The following MFSD6 variants were observed in gnomAD, a reference collection of about 807,000 sequenced individuals.
MFSD6 encodes the protein major facilitator superfamily domain containing 6, also known as major facilitator superfamily domain-containing protein 6.
A neutral mutation model predicts 56.3 loss-of-function variants in MFSD6; 26 were observed. That is an observed-to-expected ratio of 0.46 (90% CI 0.34 to 0.64). The LOEUF is 0.64. Ranked by LOEUF, MFSD6 falls within the 30% of genes least tolerant of loss-of-function variation. MFSD6 has a pLI of 0.01. For synonymous variants in MFSD6, 331 were observed against 366.9 expected (o/e 0.90, Z 1.12); for missense variants, 750 against 986.2 (o/e 0.76, Z 3.21).
In MFSD6 at chr2:190,498,763, A is replaced by G. The variant is rs895459140; in HGVS notation, c.2172+1044A>G. ...TAATATCTGCTGCTTGAGTAGCAAT[A>G]TTTTCATTACTTTGTGTACTCATCC... On this transcript the variant is annotated intron_variant, in intron 7 of 7. Coordinates refer to ENST00000392328, the MANE Select transcript of MFSD6 (RefSeq NM_017694.4). The surrounding 1 kb of genome is among the most constrained non-coding windows in gnomAD (Gnocchi z 5.9). 6.6e-6 allele frequency among the ~76,000 whole-genome samples: 1 copy of G among 152,118 alleles called. No individual in the cohort carries two copies. The highest frequency in any genetic ancestry group is 2.4e-5 in the African/African-American group (1 of 41,410).
rs1300297200 is a variant in MFSD6 at position 190,463,461 on chromosome 2, G to C, written c.1533-6297G>C. Reference sequence around the variant, plus strand: ...GATGTCTGCCACTCTGCCTACTCTAGGAAGACATCTATAACAATTCTGAAA... The same window carrying C: ...GATGTCTGCCACTCTGCCTACTCTACGAAGACATCTATAACAATTCTGAAA... On this transcript the variant is annotated intron_variant, in intron 3 of 7. Coordinates refer to ENST00000392328, the MANE Select transcript of MFSD6 (RefSeq NM_017694.4). The surrounding 1 kb of genome is among the most constrained non-coding windows in gnomAD (Gnocchi z 4.4). 6.6e-6 allele frequency among the ~76,000 whole-genome samples: 1 copy of C among 152,102 alleles called. No homozygotes were observed. Among genetic ancestry groups the C allele is most frequent in the African/African-American group, 2.4e-5 (1 of 41,394 alleles).
Position 190,423,328 on chromosome 2 carries a change from A to G in MFSD6, c.-54+7915A>G, listed in dbSNP as rs1233182362. On this transcript the variant is annotated intron_variant, in intron 2 of 7. Coordinates refer to ENST00000392328, the MANE Select transcript of MFSD6 (RefSeq NM_017694.4). The surrounding 1 kb of genome is among the most constrained non-coding windows in gnomAD (Gnocchi z 4.3). ...GTGAATTCCTGGCAATCACCTGTCTATCTCTATTTCAATGATGTTGTCATT... is the reference window on the plus strand; with the variant it reads ...GTGAATTCCTGGCAATCACCTGTCTGTCTCTATTTCAATGATGTTGTCATT... Among the ~76,000 whole-genome samples the G allele has an allele frequency of 2.0e-5, 3 of 152,136 alleles. No homozygotes were observed. The highest frequency in any genetic ancestry group is 4.4e-5 in the Non-Finnish European group (3 of 68,022).
At chr2:190,474,277 G>C (rs1398053834) in intron 4 of MFSD6, among the ~76,000 whole-genome samples, 1 of 151,646 alleles carries the variant, frequency 6.6e-6, no homozygotes, top group Non-Finnish European at 1.5e-5. Flanking sequence ...GAATCCAGGA[G>C]CTGGTTTTTT....
intron 4 of MFSD6, among the ~76,000 whole-genome samples, chr2:190,483,043 C>T (rs1381900572): frequency 6.6e-6 from 1 of 151,042 alleles, no homozygotes; most frequent in African/African-American, 2.4e-5. Flanking sequence ...AGGCGCCTGC[C>T]ACCGCGCCCG....
intron 2 of MFSD6, among the ~76,000 whole-genome samples, chr2:190,428,765 T>G (rs1457629907): frequency 6.6e-6 from 1 of 152,046 alleles, no homozygotes; most frequent in Admixed American, 6.5e-5. Context: ...CCCTGCTTCC[T>G]GGGTTCAAGT....
rs946240796 is a variant in MFSD6, at chr2:190,431,329, G to A, written c.-53-4648G>A. ...GCGGCCGGGCAGAGGCTGCAATCTC[G>A]GCACTTTGGGAGGCCAAGGCAGGCA... On this transcript the variant is annotated intron_variant, in intron 2 of 7. Coordinates refer to ENST00000392328, the MANE Select transcript of MFSD6 (RefSeq NM_017694.4). This position sits in a 1 kb window ranked among gnomAD's most constrained non-coding sequence, Gnocchi z 4.4. Among the ~76,000 whole-genome samples, 80 of 152,188 alleles carry A rather than the reference G, an allele frequency of 5.3e-4. No homozygotes were observed. Among genetic ancestry groups the A allele is most frequent in the African/African-American group, 1.8e-3 (73 of 41,448 alleles).
At position 190,415,283 on chromosome 2, in the gene MFSD6, T is replaced by C. The variant is rs1690729155; in HGVS notation, c.-175-9T>C. On this transcript the variant is annotated splice_polypyrimidine_tract_variant and intron_variant, in intron 1 of 7. Transcript: ENST00000392328. This position sits in a 1 kb window ranked among gnomAD's most constrained non-coding sequence, Gnocchi z 4.5. ...AGTATCTATCTTTTTTATTTTTATT[T>C]ATTTACAGACAGGATCTCTCTCAGT... 1 of 152,214 alleles carries C rather than the reference T, an allele frequency of 6.6e-6. No homozygotes were observed. Among genetic ancestry groups the C allele is most frequent in the South Asian group, 2.1e-4 (1 of 4,832 alleles). 9.4% of individuals were successfully genotyped at this position (152,214 alleles called of 1,614,324 possible). A position where few individuals can be genotyped will look rare whatever the true frequency, so the allele number is the denominator to read the frequency against.
rs1484079475 is a variant in MFSD6 at position 190,439,842 on chromosome 2, A to G, written c.1532+2281A>G. Reference sequence around the variant, plus strand: ...TAATTATTTCAAGTGCTTTTAAAAGAGTCTGATAGCTAAAATGAGAATATG... The same window carrying G: ...TAATTATTTCAAGTGCTTTTAAAAGGGTCTGATAGCTAAAATGAGAATATG... On this transcript the variant is annotated intron_variant, in intron 3 of 7. Transcript: ENST00000392328. This position sits in a 1 kb window ranked among gnomAD's most constrained non-coding sequence, Gnocchi z 5.8. Among the ~76,000 whole-genome samples, 1 of 152,234 alleles carries G rather than the reference A, an allele frequency of 6.6e-6. No individual in the cohort carries two copies. The highest frequency in any genetic ancestry group is 2.4e-5 in the African/African-American group (1 of 41,468).
rs1687923683 is a variant in MFSD6, at chr2:190,471,466, C to A, written c.1630+1611C>A. Among the ~76,000 whole-genome samples the A allele has an allele frequency of 6.6e-6, 1 of 152,198 alleles. No individual in the cohort carries two copies. The highest frequency in any genetic ancestry group is 2.1e-4 in the South Asian group (1 of 4,830). On this transcript the variant is annotated intron_variant, in intron 4 of 7. Coordinates refer to ENST00000392328, the MANE Select transcript of MFSD6 (RefSeq NM_017694.4). The surrounding 1 kb of genome is among the most constrained non-coding windows in gnomAD (Gnocchi z 4.7). ...ATATCCCGCACCTGGCTTGGAGGGT[C>A]CTACGCCCACGGAGCCTCCCTCATT...
chr2:190,451,352 C>A lies in MFSD6; in HGVS notation c.1532+13791C>A, dbSNP rs528803571. ...TAATGCTAGCAAGCACATAATAAGT[C>A]CTCAACTATGAACAGTAGGTAGTAT... On this transcript the variant is annotated intron_variant, in intron 3 of 7. Coordinates refer to ENST00000392328, the MANE Select transcript of MFSD6 (RefSeq NM_017694.4). This position sits in a 1 kb window ranked among gnomAD's most constrained non-coding sequence, Gnocchi z 5.0. Among the ~76,000 whole-genome samples, 1 of 152,152 alleles carries A rather than the reference C, an allele frequency of 6.6e-6. No homozygotes were observed. The highest frequency in any genetic ancestry group is 2.4e-5 in the African/African-American group (1 of 41,428).
Position 190,469,938 on chromosome 2 carries a change from T to A in MFSD6, c.1630+83T>A. The A allele has an allele frequency of 1.0e-6, 1 of 955,818 alleles. No individual in the cohort carries two copies. The highest frequency in any genetic ancestry group is 1.6e-6 in the Non-Finnish European group (1 of 618,728). 59.2% of individuals were successfully genotyped at this position (955,818 alleles called of 1,614,324 possible). A position where few individuals can be genotyped will look rare whatever the true frequency, so the allele number is the denominator to read the frequency against. ...AGCCCAGTGGCCTTCAGCATCTGAT[T>A]CTATAAAGGAAGGGCAGGCCTACTG... On this transcript the variant is annotated intron_variant, in intron 4 of 7. Coordinates refer to ENST00000392328, the MANE Select transcript of MFSD6 (RefSeq NM_017694.4). The surrounding 1 kb of genome is among the most constrained non-coding windows in gnomAD (Gnocchi z 5.3).
rs1340482403 is a variant in MFSD6 at position 190,501,341 on chromosome 2, C to G, written c.*1123C>G. On this transcript the variant is annotated 3_prime_UTR_variant, in exon 8 of 8. Coordinates refer to ENST00000392328, the MANE Select transcript of MFSD6 (RefSeq NM_017694.4). ...TAAAGAAAGAAAATCTCAGTATATT[C>G]GTTCTCATGAAGACACAGTCAGACA... The G allele has an allele frequency of 6.6e-6, 1 of 152,146 alleles. No individual in the cohort carries two copies. Among genetic ancestry groups the G allele is most frequent in the African/African-American group, 2.4e-5 (1 of 41,434 alleles). The allele number at this position is 152,146 out of a possible 1,614,324, so 9.4% of individuals were successfully genotyped here. A position where few individuals can be genotyped will look rare whatever the true frequency, so the allele number is the denominator to read the frequency against.
At chr2:190,432,849 C>G (rs1686054590) in intron 2 of MFSD6, among the ~76,000 whole-genome samples, 1 of 147,900 alleles carries the variant, frequency 6.8e-6, no homozygotes, top group African/African-American at 2.5e-5. Context: ...CACTCTCTCT[C>G]TCTCTCTCTT....
At position 190,469,746 on chromosome 2, in the gene MFSD6, A is replaced by ATTTTTTAT. The variant is rs1553520733; in HGVS notation, c.1533-6_1533-5insATTTTTTT. ...TTTTTTTATTTTATTTTTATTTTTTATTTTTTTTTAGGGTTCTGTACATTG... is the reference window on the plus strand; with the variant it reads ...TTTTTTTATTTTATTTTTATTTTTTATTTTTTATTTTTTTTTTAGGGTTCTGTACATTG... On this transcript the variant is annotated splice_polypyrimidine_tract_variant and intron_variant, in intron 3 of 7. Coordinates refer to ENST00000392328, the MANE Select transcript of MFSD6 (RefSeq NM_017694.4). The surrounding 1 kb of genome is among the most constrained non-coding windows in gnomAD (Gnocchi z 5.3). 6.9e-4 allele frequency: 938 copies of ATTTTTTAT among 1,358,004 alleles called. 1 individual carries two copies. Among genetic ancestry groups the ATTTTTTAT allele is most frequent in the Middle Eastern group, 1.5e-3 (6 of 4,022 alleles). 84.1% of individuals were successfully genotyped at this position (1,358,004 alleles called of 1,614,324 possible). A position where few individuals can be genotyped will look rare whatever the true frequency, so the allele number is the denominator to read the frequency against.
rs568547675 is a variant in MFSD6 at position 190,500,413 on chromosome 2, G to A, written c.*195G>A. 1.4e-4 allele frequency: 86 copies of A among 617,820 alleles called. No individual in the cohort carries two copies. Among genetic ancestry groups the A allele is most frequent in the Middle Eastern group, 8.8e-4 (2 of 2,264 alleles). The allele number at this position is 617,820 out of a possible 1,614,324, so 38.3% of individuals were successfully genotyped here. On this transcript the variant is annotated 3_prime_UTR_variant, in exon 8 of 8. Transcript: ENST00000392328. The surrounding 1 kb of genome is among the most constrained non-coding windows in gnomAD (Gnocchi z 5.3). The stretch of plus-strand genomic sequence containing the variant: ...TATTGGCAGGAAAAGGTAAACTTTC[G>A]TAATCTCATTGGAATTACAACAGGG...
rs1383456169 is a variant in MFSD6 at position 190,471,275 on chromosome 2, G to A, written c.1630+1420G>A. Among the ~76,000 whole-genome samples the A allele has an allele frequency of 6.6e-6, 1 of 152,216 alleles. No homozygotes were observed. Among genetic ancestry groups the A allele is most frequent in the Non-Finnish European group, 1.5e-5 (1 of 68,032 alleles). Reference sequence around the variant, plus strand: ...AGTGGGTGCAGCGCGGTGAGCGTGAGCTGAAGCAGGGCGAGGCATCACCTC... The same window carrying A: ...AGTGGGTGCAGCGCGGTGAGCGTGAACTGAAGCAGGGCGAGGCATCACCTC... On this transcript the variant is annotated intron_variant, in intron 4 of 7. Coordinates refer to ENST00000392328, the MANE Select transcript of MFSD6 (RefSeq NM_017694.4). The surrounding 1 kb of genome is among the most constrained non-coding windows in gnomAD (Gnocchi z 4.7).
intron 3 of MFSD6, among the ~76,000 whole-genome samples, chr2:190,466,692 G>A (rs990804754): frequency 5.9e-5 from 9 of 152,214 alleles, no homozygotes; most frequent in African/African-American, 2.2e-4. Flanking sequence ...TGAGGAAACT[G>A]AGGCTCAGAG....
At chr2:190,455,519 A>T (rs114789129) in intron 3 of MFSD6, among the ~76,000 whole-genome samples, 37 of 152,238 alleles carry the variant, frequency 2.4e-4, no homozygotes, top group Admixed American at 1.0e-3. Context: ...CAGTTTGTTG[A>T]TCTGCACGAC....
rs986931239 is a variant in MFSD6, at chr2:190,447,175, A to C, written c.1532+9614A>C. Reference sequence around the variant, plus strand: ...AGGTGTCTGACATGGAATTATTTTAACACAATGAGTATTAGAGAATGGAGC... The same window carrying C: ...AGGTGTCTGACATGGAATTATTTTACCACAATGAGTATTAGAGAATGGAGC... On this transcript the variant is annotated intron_variant, in intron 3 of 7. Transcript: ENST00000392328. The surrounding 1 kb of genome is among the most constrained non-coding windows in gnomAD (Gnocchi z 4.5). 5.3e-5 allele frequency among the ~76,000 whole-genome samples: 8 copies of C among 152,178 alleles called. No homozygotes were observed. The highest frequency in any genetic ancestry group is 1.9e-4 in the African/African-American group (8 of 41,396).
Sources: gnomAD v4.1 joint callset for allele counts (sites outside exome capture counted in the v4.1 genomes callset) on GRCh38, gnomAD v4.1.1 for gene constraint, Gnocchi (gnomAD v3.1) non-coding constraint, MANE v1.5 for transcripts, NCBI Gene and HGNC (gene_info 2026-07-23, HGNC 2026-07-21) for gene names.